The following SLC9A9 variants were observed in gnomAD, a reference collection of about 807,000 sequenced individuals.
The protein encoded by SLC9A9 is sodium/hydrogen exchanger 9.
A neutral mutation model predicts 77.8 loss-of-function variants in SLC9A9; 62 were observed. The observed-to-expected ratio is 0.80, with a 90% confidence interval of 0.65 to 0.98. The LOEUF (loss-of-function observed/expected upper bound fraction) is 0.98. SLC9A9 is among the 50% of genes least tolerant of loss of function. The pLI is 0.00. For missense variants in SLC9A9, 775 were observed against 774.9 expected (o/e 1.00, Z 0.00); for synonymous variants, 320 against 283.5 (o/e 1.13, Z -1.29).
intron 12 of SLC9A9, among the ~76,000 whole-genome samples, chr3:143,424,979 G>A (rs2034376456): frequency 1.3e-5 from 2 of 152,144 alleles, no homozygotes; most frequent in Non-Finnish European, 2.9e-5. Context: ...TATAATCAGT[G>A]CTGAATACTG....
At chr3:143,284,300 T>C (rs920441656) in intron 14 of SLC9A9, among the ~76,000 whole-genome samples, 4 of 152,306 alleles carry the variant, frequency 2.6e-5, no homozygotes, top group Admixed American at 2.0e-4. Flanking sequence ...CAAATGATAA[T>C]TGTTCTTTTC....
At position 143,462,532 on chromosome 3, in the gene SLC9A9, G is replaced by A. The variant is rs566923889; in HGVS notation, c.1469+4505C>T. Among the ~76,000 whole-genome samples the A allele has an allele frequency of 1.2e-4, 18 of 152,256 alleles. No homozygotes were observed. In the South Asian group the frequency reaches 3.5e-3, roughly 30 times the overall value. ...GAATAGGGTTGGGAGATGAGCATGA[G>A]GGTAACAAATTCCTATAAGTACCGT... On this transcript the variant is annotated intron_variant, in intron 12 of 15. Transcript: ENST00000316549.
chr3:143,779,313 TTAAC>T (rs1470556333), intron 4 of SLC9A9, among the ~76,000 whole-genome samples: 29 of 152,310 alleles, frequency 1.9e-4, no homozygotes, highest in Middle Eastern at 3.4e-3. Context: ...TTGACAAACA[TTAAC>T]TAATAGTATT....
intron 14 of SLC9A9, among the ~76,000 whole-genome samples, chr3:143,291,355 CTA>C (rs1429614487): frequency 1.3e-5 from 2 of 152,186 alleles, no homozygotes; most frequent in African/African-American, 4.8e-5. Flanking sequence ...TTCCTGCTGA[CTA>C]AAACCTTTCC....
At chr3:143,756,790 C>T (rs190430459) in intron 4 of SLC9A9, among the ~76,000 whole-genome samples, 1 of 152,234 alleles carries the variant, frequency 6.6e-6, no homozygotes, top group Admixed American at 6.5e-5. Context: ...TTTAATTTGA[C>T]AATAGGAAGT....
intron 12 of SLC9A9, among the ~76,000 whole-genome samples, chr3:143,425,946 C>T (rs1473239315): frequency 6.6e-6 from 1 of 150,882 alleles, no homozygotes; most frequent in Non-Finnish European, 1.5e-5. Context: ...GACTACGCAC[C>T]TGCTCCACAC....
intron 2 of SLC9A9, among the ~76,000 whole-genome samples, chr3:143,814,203 T>A (rs1429819638): frequency 6.6e-6 from 1 of 151,702 alleles, no homozygotes; most frequent in African/African-American, 2.4e-5. Context: ...GTAAGAGGGG[T>A]CAGAAAGGCT....
At chr3:143,276,315 C>G (rs184665123) in intron 14 of SLC9A9, among the ~76,000 whole-genome samples, 1 of 152,188 alleles carries the variant, frequency 6.6e-6, no homozygotes, top group Admixed American at 6.5e-5. Flanking sequence ...CAGGTCCATC[C>G]GATGCTACTC....
At chr3:143,424,922 T>G (rs1413358449) in intron 12 of SLC9A9, among the ~76,000 whole-genome samples, 1 of 152,222 alleles carries the variant, frequency 6.6e-6, no homozygotes, top group Non-Finnish European at 1.5e-5. Context: ...AGGGTCCTTG[T>G]GAATTTAATG....
intron 5 of SLC9A9, among the ~76,000 whole-genome samples, chr3:143,671,113 G>A (rs1471713518): frequency 6.6e-6 from 1 of 152,164 alleles, no homozygotes; most frequent in Non-Finnish European, 1.5e-5. Context: ...CTGTGGTGAT[G>A]ATCAAATTAG....
chr3:143,828,720 C>T (rs2009362641), intron 2 of SLC9A9, among the ~76,000 whole-genome samples: 1 of 152,024 alleles, frequency 6.6e-6, no homozygotes, highest in African/African-American at 2.4e-5. Context: ...GACGTGAGGC[C>T]ATTTTAGGTG....
Position 143,795,018 on chromosome 3 carries a change from G to T in SLC9A9, c.516C>A (p.Ile172=). 2 of 1,613,982 alleles carry T rather than the reference G, an allele frequency of 1.2e-6. No homozygotes were observed. The highest frequency in any genetic ancestry group is 1.7e-6 in the Non-Finnish European group (2 of 1,179,932). Reference sequence around the variant, plus strand: ...TCACTTACCCTATGACGATGCAGGAGATGGCAGTTCCCAAGAAGGCATACG... The same window carrying T: ...TCACTTACCCTATGACGATGCAGGATATGGCAGTTCCCAAGAAGGCATACG... The part of the protein sequence containing the change: ...ILTYAFLGTA[I]SCIVIGLIMY... Residue 172 remains isoleucine (I), a synonymous_variant, in exon 4 of 16, where the codon ATC becomes ATA. Transcript: ENST00000316549.
Position 143,708,574 on chromosome 3 carries a change from C to A in SLC9A9, c.534-15267G>T, listed in dbSNP as rs186541924. Among the ~76,000 whole-genome samples the A allele has an allele frequency of 2.6e-5, 4 of 152,314 alleles. No individual in the cohort carries two copies. The East Asian group carries it at 5.8e-4, about 22-fold the overall frequency. ...TTCTCACTGCCATCCTTCTCTCAAC[C>A]TGTATCCCCAGTCTCTATTCACTGA... On this transcript the variant is annotated intron_variant, in intron 4 of 15. Coordinates refer to ENST00000316549, the MANE Select transcript of SLC9A9 (RefSeq NM_173653.4).
At chr3:143,330,126 G>A (rs780198156) in intron 14 of SLC9A9, among the ~76,000 whole-genome samples, 4 of 152,180 alleles carry the variant, frequency 2.6e-5, no homozygotes, top group African/African-American at 4.8e-5. Flanking sequence ...TGTGTGACCC[G>A]ATCACTGCCG....
intron 9 of SLC9A9, among the ~76,000 whole-genome samples, chr3:143,512,013 T>C (rs960835538): frequency 4.6e-5 from 7 of 152,222 alleles, no homozygotes; most frequent in East Asian, 3.8e-4. Flanking sequence ...AGGCAATTTC[T>C]CAAACAACAT....
intron 9 of SLC9A9, among the ~76,000 whole-genome samples, chr3:143,537,883 C>T (rs1305383808): frequency 6.6e-6 from 1 of 152,224 alleles, no homozygotes; most frequent in Non-Finnish European, 1.5e-5. Context: ...CATCAAACTC[C>T]TTTCCATTTA....
chr3:143,594,342 T>C (rs2037714611), intron 6 of SLC9A9, among the ~76,000 whole-genome samples: 1 of 152,226 alleles, frequency 6.6e-6, no homozygotes, highest in Admixed American at 6.5e-5. Flanking sequence ...CATTGCAATG[T>C]TAATAGCTGC....
At position 143,395,261 on chromosome 3, in the gene SLC9A9, A is replaced by G. The variant is rs572594142; in HGVS notation, c.1470-13147T>C. Reference sequence around the variant, plus strand: ...GGTACCAAAACAGAGATATAGACCAATGGAACAGAACAGAGCCCTCAGAAA... The same window carrying G: ...GGTACCAAAACAGAGATATAGACCAGTGGAACAGAACAGAGCCCTCAGAAA... On this transcript the variant is annotated intron_variant, in intron 12 of 15. Transcript: ENST00000316549. Among the ~76,000 whole-genome samples the G allele has an allele frequency of 2.0e-5, 3 of 152,350 alleles. No homozygotes were observed. The South Asian group carries it at 6.2e-4, about 32-fold the overall frequency.
At chr3:143,385,997 C>T (rs549573198) in intron 12 of SLC9A9, among the ~76,000 whole-genome samples, 10 of 152,292 alleles carry the variant, frequency 6.6e-5, no homozygotes, top group East Asian at 3.9e-4. Context: ...TTTTGGGCCA[C>T]GCTGGCTACC....
Sources: gnomAD v4.1 joint callset for allele counts (sites outside exome capture counted in the v4.1 genomes callset) on GRCh38, gnomAD v4.1.1 for gene constraint, MANE v1.5 for transcripts, NCBI Gene and HGNC (gene_info 2026-07-23, HGNC 2026-07-21) for gene names.